The following GRK4 variants were observed in gnomAD, a reference collection of about 807,000 sequenced individuals.
The protein encoded by GRK4 is G protein-coupled receptor kinase 2-like.
GRK4 carries 73 observed loss-of-function variants against 77.9 expected under a neutral mutation model. The observed-to-expected ratio is 0.94, with a 90% CI of 0.78 to 1.14. GRK4 has a LOEUF of 1.14. Among genes scored for constraint, GRK4 ranks in the 50% most tolerant of loss-of-function variants. The probability of loss-of-function intolerance (pLI) is 0.00; values close to 1 mark genes in which losing one functional copy is unlikely to be tolerated. For missense variants in GRK4, 729 were observed against 700.2 expected, an observed-to-expected ratio of 1.04 and a Z score of -0.46; for synonymous variants, 257 against 254.4, an observed-to-expected ratio of 1.01 and a Z score of -0.10.
chr4:2,967,693 C>A (rs1718161203), intron 1 of GRK4, among the ~76,000 whole-genome samples: 1 of 152,118 alleles, frequency 6.6e-6, no homozygotes, highest in Non-Finnish European at 1.5e-5. Context: ...GCCACTGCAC[C>A]CGGCCCGTAT....
rs143293846 is a variant in GRK4, at chr4:3,037,620, A to G, written c.1545+109A>G. The G allele has an allele frequency of 5.8e-5, 75 of 1,298,222 alleles. No individual in the cohort carries two copies. In the East Asian group the frequency reaches 1.8e-3, roughly 30 times the overall value. The allele number at this position is 1,298,222 out of a possible 1,614,324, so 80.4% of individuals were successfully genotyped here. On this transcript the variant is annotated intron_variant, in intron 14 of 15. Transcript: ENST00000398052. ...GTGTGTCTGTGTGTATTTGGGAGAT[A>G]AAATTATATAAGACGGCTGGGCGCA...
chr4:3,022,561 A>G lies in GRK4; in HGVS notation c.970+110A>G, dbSNP rs1241120294. On this transcript the variant is annotated intron_variant, in intron 10 of 15. Coordinates refer to ENST00000398052, the MANE Select transcript of GRK4 (RefSeq NM_182982.3). ...TAATGATTAGGAGAGAATGGAAACA[A>G]TAACAAAAAGAAAAACTCTGTGGTA... The G allele has an allele frequency of 1.1e-5, 11 of 965,470 alleles. No homozygotes were observed. In the East Asian group the frequency reaches 2.5e-4, roughly 22 times the overall value. 59.8% of individuals were successfully genotyped at this position (965,470 alleles called of 1,614,324 possible). A position where few individuals can be genotyped will look rare whatever the true frequency, so the allele number is the denominator to read the frequency against.
rs575187086 is a variant in GRK4 at position 2,988,603 on chromosome 4, A to G, written c.149-124A>G. 22 of 582,500 alleles carry G rather than the reference A, an allele frequency of 3.8e-5. No individual in the cohort carries two copies. In the Admixed American group the frequency reaches 5.2e-4, roughly 14 times the overall value. The allele number at this position is 582,500 out of a possible 1,614,324, so 36.1% of individuals were successfully genotyped here. ...ACAACAACAACAACAACAAGATGAAAATAATACGGCAAATACTGTTCTTGA... is the reference window on the plus strand; with the variant it reads ...ACAACAACAACAACAACAAGATGAAGATAATACGGCAAATACTGTTCTTGA... On this transcript the variant is annotated intron_variant, in intron 2 of 15. Transcript: ENST00000398052.
At chr4:3,026,299 T>TG (rs1479493281) in intron 10 of GRK4, among the ~76,000 whole-genome samples, 1 of 152,204 alleles carries the variant, frequency 6.6e-6, no homozygotes, top group Non-Finnish European at 1.5e-5. Context: ...TTTGTCAGTT[T>TG]GTTAGCTGGG....
rs377574695 is a variant in GRK4 at position 3,037,407 on chromosome 4, A to G, written c.1441A>G (p.Ile481Val). The change falls in exon 14 of 16, where the codon ATC (isoleucine) becomes GTC (valine). Residue 481 changes from isoleucine (I) to valine (V), a missense_variant. Physicochemically the swap from Ile to Val is conservative, Grantham distance 29 (BLOSUM62 3). Coordinates refer to ENST00000398052, the MANE Select transcript of GRK4 (RefSeq NM_182982.3). The part of the protein sequence containing the change: ...HAVYCKDVLD[I>V]EQFSVVKGIY... ...CGTTTACTGTAAGGACGTCCTGGAT[A>G]TCGAGCAGTTCTCGGTGGTGAAAGG... The G allele has an allele frequency of 2.5e-6, 4 of 1,608,688 alleles. No individual in the cohort carries two copies. The African/African-American group carries it at 4.0e-5, about 16-fold the overall frequency.
chr4:3,002,959 G>A (rs1022373626), intron 4 of GRK4, among the ~76,000 whole-genome samples: 3 of 152,150 alleles, frequency 2.0e-5, no homozygotes, highest in African/African-American at 4.8e-5. Context: ...ACCAACGTCA[G>A]CATTTGTAAG....
intron 5 of GRK4, among the ~76,000 whole-genome samples, chr4:3,005,403 C>T (rs1020658449): frequency 2.6e-5 from 4 of 151,866 alleles, no homozygotes; most frequent in Non-Finnish European, 5.9e-5. Flanking sequence ...CCGGCGAGGC[C>T]GTTGCAGCTC....
intron 4 of GRK4, 72 bp from the exon 5 acceptor site, chr4:3,004,159 A>G: frequency 9.4e-7 from 1 of 1,063,072 alleles, no homozygotes; most frequent in South Asian, 1.4e-5. Flanking sequence ...TTTTACAATA[A>G]GCATTAGGTT....
chr4:2,986,574 T>C (rs1224580424), intron 2 of GRK4, among the ~76,000 whole-genome samples: 1 of 152,050 alleles, frequency 6.6e-6, no homozygotes, highest in East Asian at 1.9e-4. Flanking sequence ...CAGGATGGTC[T>C]CAATTTCTTG....
intron 12 of GRK4, 48 bp downstream of exon 12, chr4:3,029,457 C>G: frequency 6.6e-7 from 1 of 1,514,734 alleles, no homozygotes; most frequent in Admixed American, 1.7e-5. Flanking sequence ...CTCACTCATT[C>G]TAGTTGTTTT....
chr4:3,033,904 A>T (rs11947255), intron 12 of GRK4, among the ~76,000 whole-genome samples: 2,620 of 152,290 alleles, frequency 0.017, 74 homozygotes, highest in African/African-American at 0.06. Flanking sequence ...GTTTTAAATT[A>T]ACAAAGCATG....
intron 4 of GRK4, among the ~76,000 whole-genome samples, chr4:2,995,319 A>G (rs1413752881): frequency 6.6e-6 from 1 of 152,148 alleles, no homozygotes; most frequent in East Asian, 1.9e-4. Flanking sequence ...TAGGATGCCC[A>G]GTTCAAGGTG....
Position 2,984,618 on chromosome 4 carries a change from T to C in GRK4, c.148+10T>C. 2.0e-6 allele frequency: 3 copies of C among 1,468,572 alleles called. No homozygotes were observed. Among genetic ancestry groups the C allele is most frequent in the Non-Finnish European group, 2.8e-6 (3 of 1,055,916 alleles). The allele number at this position is 1,468,572 out of a possible 1,614,324, so 91.0% of individuals were successfully genotyped here. ...CTTAGACATTCCATTGGTGAGTAAA[T>C]AGTGCCTACTAATGCTTGGATGGTA... On this transcript the variant is annotated intron_variant, in intron 2 of 15. Transcript: ENST00000398052.
At chr4:2,990,044 C>T (rs1303621090) in intron 3 of GRK4, among the ~76,000 whole-genome samples, 1 of 152,008 alleles carries the variant, frequency 6.6e-6, no homozygotes, top group Non-Finnish European at 1.5e-5. Flanking sequence ...ACATATATGT[C>T]TTATATCATT....
chr4:3,000,633 C>T (rs190292262), intron 4 of GRK4, among the ~76,000 whole-genome samples: 44 of 151,426 alleles, frequency 2.9e-4, no homozygotes, highest in African/African-American at 9.7e-4. Context: ...GGCACAATCT[C>T]GGCTCACTGC....
rs57514901 is a variant in GRK4 at position 2,988,580 on chromosome 4, AAC to A, written c.149-145_149-144del. 7.7e-3 allele frequency: 3,835 copies of A among 495,078 alleles called. 97 individuals carry two copies. The African/African-American group carries it at 0.081, about 10-fold the overall frequency. The allele number at this position is 495,078 out of a possible 1,614,324, so 30.7% of individuals were successfully genotyped here. A position where few individuals can be genotyped will look rare whatever the true frequency, so the allele number is the denominator to read the frequency against. ...AGGAGGGAGACTGTCTGAAACAAAC[AAC>A]AACAACAACAACAAGATGAAAATAA... On this transcript the variant is annotated intron_variant, in intron 2 of 15. Transcript: ENST00000398052.
At chr4:3,016,411 G>C (rs1734500465) in intron 8 of GRK4, among the ~76,000 whole-genome samples, 1 of 151,630 alleles carries the variant, frequency 6.6e-6, no homozygotes, top group Admixed American at 6.6e-5. Context: ...CAAGCTACTT[G>C]GGTGGCTGAG....
rs2109330777 is a variant in GRK4, at chr4:2,963,685, T to C, written c.-386T>C. On this transcript the variant is annotated 5_prime_UTR_variant, in exon 1 of 16. Coordinates refer to ENST00000398052, the MANE Select transcript of GRK4 (RefSeq NM_182982.3). ...GCGGGCGCCCCTGCCAGTGAGCCCC[T>C]GTCCGAAGTGAGCCACGGCATTGAC... The C allele has an allele frequency of 5.9e-6, 2 of 340,444 alleles. No individual in the cohort carries two copies. The highest frequency in any genetic ancestry group is 1.0e-4 in the South Asian group (2 of 19,556). 21.1% of individuals were successfully genotyped at this position (340,444 alleles called of 1,614,324 possible).
At chr4:2,979,426 A>G (rs1722195155) in intron 1 of GRK4, among the ~76,000 whole-genome samples, 1 of 149,318 alleles carries the variant, frequency 6.7e-6, no homozygotes. Context: ...AAAAAAAAAA[A>G]GAGTGGCCAG....
Sources: allele counts gnomAD v4.1 joint callset (sites outside exome capture counted in the v4.1 genomes callset), GRCh38; gene constraint gnomAD v4.1.1; transcripts MANE v1.5; gene names NCBI Gene and HGNC (gene_info 2026-07-23, HGNC 2026-07-21).